GRIK1: variants seen among roughly 807,000 people sequenced by gnomAD.
The protein encoded by GRIK1 is glutamate receptor ionotropic, kainate 1.
Under a neutral mutation model 105.7 loss-of-function variants are expected in GRIK1, and 69 were observed. That is an observed-to-expected ratio of 0.65 (90% CI 0.54 to 0.80). GRIK1 has a LOEUF of 0.80. GRIK1 is among the 30% of genes least tolerant of loss of function. GRIK1 has a pLI of 0.00. For synonymous variants in GRIK1, 438 were observed against 431.3 expected, an observed-to-expected ratio of 1.02 and a Z score of -0.19; for missense variants, 1,109 against 1,167.3, an observed-to-expected ratio of 0.95 and a Z score of 0.73.
At chr21:29,807,661 T>A (rs567024495) in intron 1 of GRIK1, among the ~76,000 whole-genome samples, 98 of 152,034 alleles carry the variant, frequency 6.4e-4, no homozygotes, top group Non-Finnish European at 6.0e-4. Context: ...AAGCAGAAAA[T>A]TCAAGAACAA....
chr21:29,567,166 T>A (rs547235017), intron 14 of GRIK1, among the ~76,000 whole-genome samples: 2 of 152,352 alleles, frequency 1.3e-5, no homozygotes, highest in South Asian at 4.1e-4. Flanking sequence ...TATTGTTTCC[T>A]TTCCTTTAAC....
At chr21:29,586,855 T>G (rs975345518) in intron 12 of GRIK1, among the ~76,000 whole-genome samples, 1 of 152,224 alleles carries the variant, frequency 6.6e-6, no homozygotes, top group Non-Finnish European at 1.5e-5. Context: ...TCTCTTTAAC[T>G]TTCTCATGCC....
At chr21:29,886,474 G>C (rs1156854316) in intron 1 of GRIK1, among the ~76,000 whole-genome samples, 1 of 152,084 alleles carries the variant, frequency 6.6e-6, no homozygotes, top group Non-Finnish European at 1.5e-5. Flanking sequence ...AGGAAGAAAA[G>C]CATTCCAACA....
chr21:29,623,271 C>G (rs2062048822), intron 7 of GRIK1, among the ~76,000 whole-genome samples: 1 of 152,098 alleles, frequency 6.6e-6, no homozygotes, highest in Non-Finnish European at 1.5e-5. Context: ...TATTCACTAT[C>G]ACAAGAACAG....
chr21:29,553,282 T>C (rs1429578183), intron 16 of GRIK1: 11 of 1,049,820 alleles, frequency 1.0e-5, no homozygotes, highest in African/African-American at 1.7e-5. Flanking sequence ...TTTTAATGCA[T>C]GAAGATAGAA....
chr21:29,864,696 T>G (rs8133256), intron 1 of GRIK1, among the ~76,000 whole-genome samples: 9,217 of 152,232 alleles, frequency 0.061, 689 homozygotes, highest in African/African-American at 0.18. Context: ...CTTCTCTTTG[T>G]TCATTATGCA....
Position 29,550,107 on chromosome 21 carries a change from CAAAAAAAAAAAAAA to C in GRIK1, c.2607+4931_2607+4944del, listed in dbSNP as rs34939329. ...TGGGCGACAGAGAAAGACTCCATCTCAAAAAAAAAAAAAAAAAAAAAAAAAAAAGTGTGAAGAAA... is the reference window on the plus strand; with the variant it reads ...TGGGCGACAGAGAAAGACTCCATCTCAAAAAAAAAAAAAAGTGTGAAGAAA... On this transcript the variant is annotated intron_variant, in intron 16 of 17. Transcript: ENST00000327783. Among the ~76,000 whole-genome samples, 22 of 53,476 alleles carry C rather than the reference CAAAAAAAAAAAAAA, an allele frequency of 4.1e-4. 2 individuals carry two copies. Among genetic ancestry groups the C allele is most frequent in the Non-Finnish European group, 2.6e-4 (8 of 31,372 alleles). The allele number at this position is 53,476 out of a possible 152,430, so 35.1% of individuals were successfully genotyped here.
chr21:29,793,062 C>G (rs755155281), intron 1 of GRIK1, among the ~76,000 whole-genome samples: 1 of 152,122 alleles, frequency 6.6e-6, no homozygotes, highest in African/African-American at 2.4e-5. Context: ...CTCCCTCATA[C>G]GCAGGCTGTG....
chr21:29,731,328 A>C (rs568430405), intron 1 of GRIK1, among the ~76,000 whole-genome samples: 1 of 152,290 alleles, frequency 6.6e-6, no homozygotes, highest in Non-Finnish European at 1.5e-5. Flanking sequence ...CAGCATCCCC[A>C]AAAAACTGTT....
intron 1 of GRIK1, among the ~76,000 whole-genome samples, chr21:29,865,879 C>T (rs975392320): frequency 2.0e-5 from 3 of 152,150 alleles, no homozygotes; most frequent in Admixed American, 2.0e-4. Flanking sequence ...AGATCTTCAC[C>T]ATCGTTTGTG....
intron 1 of GRIK1, among the ~76,000 whole-genome samples, chr21:29,719,643 C>T (rs1234330474): frequency 6.6e-6 from 1 of 152,132 alleles, no homozygotes; most frequent in Non-Finnish European, 1.5e-5. Flanking sequence ...CCCTGCCAGG[C>T]ATCTCAGCTT....
intron 7 of GRIK1, among the ~76,000 whole-genome samples, chr21:29,637,517 G>C (rs2146507409): frequency 6.6e-6 from 1 of 152,296 alleles, no homozygotes; most frequent in East Asian, 1.9e-4. Flanking sequence ...CAAGACAATG[G>C]TAATAGGAGG....
chr21:29,767,268 T>C (rs2065690664), intron 1 of GRIK1, among the ~76,000 whole-genome samples: 1 of 152,258 alleles, frequency 6.6e-6, no homozygotes, highest in South Asian at 2.1e-4. Flanking sequence ...TATGTCTTTT[T>C]CTGGATATTT....
intron 1 of GRIK1, among the ~76,000 whole-genome samples, chr21:29,714,228 C>T (rs1569005521): frequency 6.6e-6 from 1 of 151,822 alleles, no homozygotes; most frequent in Non-Finnish European, 1.5e-5. Flanking sequence ...GCTCTTTACA[C>T]ACTCTTCCCA....
At chr21:29,804,124 C>A (rs1412614944) in intron 1 of GRIK1, among the ~76,000 whole-genome samples, 1 of 152,064 alleles carries the variant, frequency 6.6e-6, no homozygotes, top group Non-Finnish European at 1.5e-5. Flanking sequence ...TCAGCTTTTT[C>A]TTTGAATGTG....
At chr21:29,820,634 T>C (rs1217281517) in intron 1 of GRIK1, among the ~76,000 whole-genome samples, 2 of 148,880 alleles carry the variant, frequency 1.3e-5, no homozygotes, top group Non-Finnish European at 1.5e-5. Context: ...TATTTGCTTG[T>C]AGGAAAATTT....
At chr21:29,627,840 A>C (rs533403403) in intron 7 of GRIK1, among the ~76,000 whole-genome samples, 24 of 152,210 alleles carry the variant, frequency 1.6e-4, no homozygotes, top group Non-Finnish European at 2.6e-4. Context: ...AGAATTTCTG[A>C]GAGTAAGATC....
At chr21:29,590,964 T>C in intron 10 of GRIK1, 148 bp downstream of exon 10, 1 of 656,448 alleles carries the variant, frequency 1.5e-6, no homozygotes, top group Non-Finnish European at 2.8e-6. Context: ...TTCCTGTAAG[T>C]ATGTACAAAC....
At chr21:29,812,021 T>C (rs1390853963) in intron 1 of GRIK1, among the ~76,000 whole-genome samples, 3 of 152,192 alleles carry the variant, frequency 2.0e-5, no homozygotes, top group African/African-American at 7.2e-5. Context: ...CAACCCCAAG[T>C]CATTCTTTAC....
Sources: allele counts gnomAD v4.1 joint callset (sites outside exome capture counted in the v4.1 genomes callset), GRCh38; gene constraint gnomAD v4.1.1; transcripts MANE v1.5; gene names NCBI Gene and HGNC (gene_info 2026-07-23, HGNC 2026-07-21).